Variants in TENM1 observed in about 807,000 individuals in gnomAD.
The protein encoded by TENM1 is teneurin transmembrane protein 1, also known as teneurin-1.
TENM1 carries 35 observed loss-of-function variants against 174.8 expected under a neutral mutation model. The observed-to-expected ratio is 0.20, with a 90% CI of 0.15 to 0.27. The LOEUF is 0.27. Among genes scored for constraint, TENM1 ranks in the 10% least tolerant of loss-of-function variants. TENM1 has a pLI of 1.00. For synonymous variants in TENM1, 781 were observed against 798.7 expected (o/e 0.98, Z 0.37); for missense variants, 1,633 against 2,130.1 (o/e 0.77, Z 4.59).
chrX:124,549,095 C>A (rs2048499006), intron 14 of TENM1, among the ~76,000 whole-genome samples: 1 of 111,699 alleles, frequency 9.0e-6, no homozygotes, highest in Admixed American at 9.5e-5. Flanking sequence ...CATCATTCAG[C>A]AAATTATATT....
intron 24 of TENM1, among the ~76,000 whole-genome samples, 182 bp from the exon 28 acceptor site, chrX:124,421,003 T>C (rs1160613883): frequency 8.9e-6 from 1 of 112,327 alleles, no homozygotes; most frequent in Admixed American, 9.4e-5. Flanking sequence ...AATTCTTGAG[T>C]CAGTACCACT....
rs1319171434 is a variant in TENM1 at position 124,690,778 on chromosome X, C to T, written c.1015+14235G>A. On this transcript the variant is annotated intron_variant, in intron 5 of 31. Coordinates refer to ENST00000422452, the Ensembl canonical transcript of TENM1. The stretch of plus-strand genomic sequence containing the variant: ...CCTCTTCTCTCTCTTGCCTTGTGAT[C>T]TCTGCACACACTGGCTCCCCTTCTC... 2.7e-5 allele frequency among the ~76,000 whole-genome samples: 3 copies of T among 110,624 alleles called. No individual in the cohort carries two copies. The East Asian group carries it at 8.6e-4, about 32-fold the overall frequency.
At chrX:124,587,074 G>T (rs1489257424) in intron 11 of TENM1, among the ~76,000 whole-genome samples, 1 of 108,211 alleles carries the variant, frequency 9.2e-6, no homozygotes, top group Non-Finnish European at 1.9e-5. Flanking sequence ...CCATGCTCAT[G>T]GGTAGGAAGA....
intron 11 of TENM1, among the ~76,000 whole-genome samples, chrX:124,571,106 A>C (rs1480309349): frequency 2.7e-5 from 3 of 112,071 alleles, no homozygotes; most frequent in Admixed American, 1.9e-4. Flanking sequence ...TCATCTACAA[A>C]GCAAGACTCA....
the TENM1 span, among the ~76,000 whole-genome samples, chrX:125,169,190 G>T: frequency 1.8e-5 from 2 of 110,999 alleles, no homozygotes; most frequent in East Asian, 5.7e-4. Flanking sequence ...TCCCGCTAAA[G>T]CTGTTTACTA....
intron 3 of TENM1, among the ~76,000 whole-genome samples, chrX:124,881,450 T>A: frequency 9.0e-6 from 1 of 111,383 alleles, no homozygotes; most frequent in East Asian, 2.8e-4. Context: ...TTATTGATTT[T>A]GTTTATCTGC....
intron 1 of TENM1, among the ~76,000 whole-genome samples, chrX:124,951,654 A>ATG (rs2058487940): frequency 2.0e-5 from 1 of 51,249 alleles, no homozygotes; most frequent in Non-Finnish European, 4.2e-5. Context: ...ATATATATAT[A>ATG]TATATATATA....
the TENM1 span, among the ~76,000 whole-genome samples, chrX:125,135,984 A>C: frequency 1.8e-5 from 2 of 112,160 alleles, no homozygotes; most frequent in African/African-American, 6.5e-5. Context: ...TACCTTTACA[A>C]CATTTTAAAG....
intron 1 of TENM1, among the ~76,000 whole-genome samples, chrX:124,921,336 C>T (rs370118543): frequency 8.3e-4 from 91 of 109,808 alleles, no homozygotes; most frequent in African/African-American, 3.0e-3. Flanking sequence ...CTTTCCATAC[C>T]TTTCTCTAGA....
At chrX:125,089,922 T>C in the TENM1 span, among the ~76,000 whole-genome samples, 1 of 111,297 alleles carries the variant, frequency 9.0e-6, no homozygotes, top group African/African-American at 3.3e-5. Flanking sequence ...TCTGTGTATG[T>C]TTGTCTGTGT....
At chrX:125,040,874 CTTG>C in the TENM1 span, among the ~76,000 whole-genome samples, 1 of 111,617 alleles carries the variant, frequency 9.0e-6, no homozygotes, top group South Asian at 3.7e-4. Context: ...CCTCAGTAAA[CTTG>C]TTTTCACCAG....
At chrX:124,660,396 A>G (rs1015106167) in intron 6 of TENM1, among the ~76,000 whole-genome samples, 2 of 110,548 alleles carry the variant, frequency 1.8e-5, no homozygotes, top group East Asian at 5.6e-4. Flanking sequence ...AAAAATTAAA[A>G]ACTTTTGTGC....
Position 124,909,470 on chromosome X carries a change from A to G in TENM1, c.218-13229T>C, listed in dbSNP as rs953769584. On this transcript the variant is annotated intron_variant, in intron 1 of 31. Coordinates refer to ENST00000422452, the Ensembl canonical transcript of TENM1. ...CTTTGAGGGATATAGCAGCCAGGAG[A>G]CAATGGGCACTTCTTTTGTCACTGA... Among the ~76,000 whole-genome samples, 5 of 112,074 alleles carry G rather than the reference A, an allele frequency of 4.5e-5. No individual in the cohort carries two copies. In the South Asian group the frequency reaches 1.5e-3, roughly 33 times the overall value.
chrX:124,465,991 C>T lies in TENM1; in HGVS notation c.3950-12500G>A, dbSNP rs781196110. Among the ~76,000 whole-genome samples the T allele has an allele frequency of 1.8e-4, 20 of 111,861 alleles. 1 individual carries two copies. Among genetic ancestry groups the T allele is most frequent in the African/African-American group, 5.9e-4 (18 of 30,767 alleles). ...AGATATACCAGGCGCATGATGTGGACGTGCTACAGTAGCTAAAACCAGTGG... is the reference window on the plus strand; with the variant it reads ...AGATATACCAGGCGCATGATGTGGATGTGCTACAGTAGCTAAAACCAGTGG... On this transcript the variant is annotated intron_variant, in intron 22 of 31. Coordinates refer to ENST00000422452, the Ensembl canonical transcript of TENM1.
chrX:125,191,889 G>T, the TENM1 span, among the ~76,000 whole-genome samples: 1 of 111,289 alleles, frequency 9.0e-6, no homozygotes, highest in African/African-American at 3.3e-5. Context: ...GAATGGATTG[G>T]TAATTTATAA....
At chrX:125,003,197 G>T in the TENM1 span, among the ~76,000 whole-genome samples, 2 of 111,455 alleles carry the variant, frequency 1.8e-5, no homozygotes, top group Admixed American at 1.9e-4. Context: ...AAAGTTTGAG[G>T]AAATTACCTG....
intron 11 of TENM1, among the ~76,000 whole-genome samples, chrX:124,624,055 A>G (rs143183298): frequency 0.016 from 1,816 of 111,987 alleles, 34 homozygotes; most frequent in African/African-American, 0.055. Context: ...GAATCTTTGC[A>G]TACATTATCT....
chrX:125,090,397 G>A, the TENM1 span, among the ~76,000 whole-genome samples: 2 of 110,598 alleles, frequency 1.8e-5, no homozygotes, highest in African/African-American at 6.6e-5. Context: ...CATAATCGCA[G>A]CACTTTGGGA....
At chrX:124,476,809 A>G (rs909793149) in intron 22 of TENM1, among the ~76,000 whole-genome samples, 2 of 112,695 alleles carry the variant, frequency 1.8e-5, no homozygotes, top group Admixed American at 9.4e-5. Flanking sequence ...AGTAAAAATA[A>G]TAAATGGAAC....
Sources: allele counts gnomAD v4.1 joint callset (sites outside exome capture counted in the v4.1 genomes callset), GRCh38; gene constraint gnomAD v4.1.1; transcripts MANE v1.5; gene names NCBI Gene and HGNC (gene_info 2026-07-23, HGNC 2026-07-21).